Variants in AP4M1 observed in about 807,000 individuals in gnomAD.
AP4M1 encodes the protein adaptor related protein complex 4 subunit mu 1.
Under a neutral mutation model 62.4 loss-of-function variants are expected in AP4M1, and 58 were observed. The ratio of observed to expected loss-of-function variants is 0.93; its 90% CI spans 0.75 to 1.16. AP4M1 has a LOEUF of 1.16. Among genes scored for constraint, AP4M1 ranks in the 50% most tolerant of loss-of-function variants. The pLI, the probability that AP4M1 is intolerant of heterozygous loss-of-function variation, is 0.00. For missense variants in AP4M1, 626 were observed against 585.4 expected, an observed-to-expected ratio of 1.07 and a Z score of -0.72; for synonymous variants, 290 against 239.7, an observed-to-expected ratio of 1.21 and a Z score of -1.94.
At chr7:100,103,569 G>A (rs767609956) in intron 5 of AP4M1, 43 bp from the exon 6 acceptor site, 2 of 1,613,924 alleles carry the variant, frequency 1.2e-6, no homozygotes, top group East Asian at 4.5e-5. Context: ...GGGTTGGCTG[G>A]GGTTGTCAGA....
intron 10 of AP4M1, 40 bp downstream of exon 10, chr7:100,105,386 G>A (rs1204580071): frequency 1.2e-5 from 19 of 1,612,592 alleles, no homozygotes; most frequent in Non-Finnish European, 4.2e-6. Context: ...GTCCACCATG[G>A]GGAAGGGGGC....
In AP4M1 at chr7:100,102,765, C is replaced by T. The variant is rs753157429; in HGVS notation, c.238C>T (p.Leu80=). 19 of 1,613,904 alleles carry T rather than the reference C, an allele frequency of 1.2e-5. No homozygotes were observed. In the East Asian group the frequency reaches 4.0e-4, roughly 34 times the overall value. Residue 80 remains leucine (L), a synonymous_variant, in exon 3 of 15, where the codon CTA becomes TTA. Transcript: ENST00000359593. The part of the protein sequence containing the change: ...TSENVSPFSL[L]ELLSRLATLL... ...AGAAAACGTTTCTCCCTTCAGCCTC[C>T]TAGAACTGCTCTCCAGGTGAGGAGG...
At position 100,107,626 on chromosome 7, in the gene AP4M1, G is replaced by A; in HGVS notation, c.*744G>A. The A allele has an allele frequency of 2.5e-6, 4 of 1,610,180 alleles. No homozygotes were observed. Among genetic ancestry groups the A allele is most frequent in the Non-Finnish European group, 3.4e-6 (4 of 1,178,786 alleles). On this transcript the variant is annotated 3_prime_UTR_variant, in exon 15 of 15. Coordinates refer to ENST00000359593, the MANE Select transcript of AP4M1 (RefSeq NM_004722.4). ...GCCGAGGTGCTGAGGGACAGGACCT[G>A]GATAGAAAGGAAAGGCAGGCCGCTT...
chr7:100,108,778 T>C lies in AP4M1; in HGVS notation c.*1896T>C. On this transcript the variant is annotated 3_prime_UTR_variant, in exon 15 of 15. Coordinates refer to ENST00000359593, the MANE Select transcript of AP4M1 (RefSeq NM_004722.4). Reference sequence around the variant, plus strand: ...GGGGCCAGGTGCAGCATCTTAGGCCTGTATCCCAGCACTTGGGAGGCTGAG... The same window carrying C: ...GGGGCCAGGTGCAGCATCTTAGGCCCGTATCCCAGCACTTGGGAGGCTGAG... The C allele has an allele frequency of 2.5e-6, 1 of 395,238 alleles. No homozygotes were observed. Among genetic ancestry groups the C allele is most frequent in the Non-Finnish European group, 4.5e-6 (1 of 220,466 alleles). 24.5% of individuals were successfully genotyped at this position (395,238 alleles called of 1,614,324 possible).
chr7:100,102,082 A>G (rs1796091030), intron 2 of AP4M1, 114 bp downstream of exon 2: 2 of 1,235,068 alleles, frequency 1.6e-6, no homozygotes, highest in Admixed American at 4.0e-5. Flanking sequence ...GCATTCCGCC[A>G]AATAAAGCTA....
At position 100,106,692 on chromosome 7, in the gene AP4M1, A is replaced by G; in HGVS notation, c.1172A>G (p.His391Arg). 1.2e-6 allele frequency: 2 copies of G among 1,612,212 alleles called. No individual in the cohort carries two copies. The highest frequency in any genetic ancestry group is 1.7e-6 in the Non-Finnish European group (2 of 1,179,734). The change falls in exon 15 of 15, where the codon CAT (histidine) becomes CGT (arginine). Residue 391 changes from histidine to arginine, a missense_variant. Physicochemically the swap from His to Arg is conservative, Grantham distance 29. Transcript: ENST00000359593. ...CCAGGGCCCCCAGGACCTCCCAGCC[A>G]TGGGCTCTCCACCTCGGCCTCTCCT... ...DVPGPPGPPS[H>R]GLSTSASPLG...
In AP4M1 at chr7:100,105,330, A is replaced by C; in HGVS notation, c.818A>C (p.Gln273Pro). The C allele has an allele frequency of 6.2e-7, 1 of 1,614,066 alleles. No homozygotes were observed. The highest frequency in any genetic ancestry group is 1.1e-5 in the South Asian group (1 of 91,086). Reference protein sequence around the residue: ...EFESHRILRLQPPQGELTVMR... With the variant: ...EFESHRILRLPPPQGELTVMR... ...GAGTCTCATCGAATCCTCCGCTTGCAACCACCTCAGGGCGAGGTCAGGGTT... is the reference window on the plus strand; with the variant it reads ...GAGTCTCATCGAATCCTCCGCTTGCCACCACCTCAGGGCGAGGTCAGGGTT... Residue 273 changes from glutamine to proline, a missense_variant, in exon 10 of 15, where the codon CAA (glutamine) becomes CCA (proline). Transcript: ENST00000359593.
chr7:100,107,876 T>G lies in AP4M1; in HGVS notation c.*994T>G. 2 of 1,560,358 alleles carry G rather than the reference T, an allele frequency of 1.3e-6. No individual in the cohort carries two copies. Among genetic ancestry groups the G allele is most frequent in the Non-Finnish European group, 1.7e-6 (2 of 1,150,066 alleles). On this transcript the variant is annotated 3_prime_UTR_variant, in exon 15 of 15. Coordinates refer to ENST00000359593, the MANE Select transcript of AP4M1 (RefSeq NM_004722.4). ...ACTCCTGGGCCTCCCCAGGGTGCTC[T>G]GAGGTAACCCAGGCCCTCCAGATGC...
chr7:100,105,985 G>A lies in AP4M1; in HGVS notation c.956G>A (p.Cys319Tyr), dbSNP rs1057521784. The stretch of plus-strand genomic sequence containing the variant: ...CTCCAGGTTTATCTAAAGTTGCGAT[G>A]TGACCTGCTCTCAAAGAGGTAAGAG... ...GRLQVYLKLRCDLLSKSQALN... is the reference protein window; with the variant it reads ...GRLQVYLKLRYDLLSKSQALN... The change falls in exon 12 of 15, where the codon TGT becomes TAT. Residue 319 changes from cysteine (C) to tyrosine (Y), a missense_variant. By Grantham distance (194) the Cys-to-Tyr change is radical (BLOSUM62 -2). Transcript: ENST00000359593. The A allele has an allele frequency of 1.9e-6, 3 of 1,614,166 alleles. No homozygotes were observed. Among genetic ancestry groups the A allele is most frequent in the South Asian group, 1.1e-5 (1 of 91,080 alleles).
Position 100,101,650 on chromosome 7 carries a change from TC to T in AP4M1, c.-63del. The T allele has an allele frequency of 1.3e-5, 19 of 1,501,902 alleles. No homozygotes were observed. Among genetic ancestry groups the T allele is most frequent in the Non-Finnish European group, 1.8e-5 (19 of 1,079,636 alleles). The allele number at this position is 1,501,902 out of a possible 1,614,324, so 93.0% of individuals were successfully genotyped here. ...GGCCAGCGCACACGCGTTCTTTTGT[TC>T]CGGGGCCGCAGGGCGGGGCAGGCCC... On this transcript the variant is annotated 5_prime_UTR_variant, in exon 1 of 15. Coordinates refer to ENST00000359593, the MANE Select transcript of AP4M1 (RefSeq NM_004722.4).
Position 100,106,001 on chromosome 7 carries a change from G to C in AP4M1, c.972G>C (p.Lys324Asn). The change falls in exon 12 of 15, where the codon AAG (lysine) becomes AAC (asparagine). Residue 324 changes from lysine to asparagine, a missense_variant and splice_region_variant. By Grantham distance (94) the Lys-to-Asn change is moderately conservative. Coordinates refer to ENST00000359593, the MANE Select transcript of AP4M1 (RefSeq NM_004722.4). ...AGTTGCGATGTGACCTGCTCTCAAAGAGGTAAGAGTGAGGCTGGCCTGGCT... is the reference window on the plus strand; with the variant it reads ...AGTTGCGATGTGACCTGCTCTCAAACAGGTAAGAGTGAGGCTGGCCTGGCT... ...YLKLRCDLLSKSQALNVRLHL... is the reference protein window; with the variant it reads ...YLKLRCDLLSNSQALNVRLHL... 1 of 1,614,188 alleles carries C rather than the reference G, an allele frequency of 6.2e-7. No individual in the cohort carries two copies. The highest frequency in any genetic ancestry group is 8.5e-7 in the Non-Finnish European group (1 of 1,180,048).
Position 100,108,724 on chromosome 7 carries a change from T to C in AP4M1, c.*1842T>C. 2 of 566,938 alleles carry C rather than the reference T, an allele frequency of 3.5e-6. No individual in the cohort carries two copies. The highest frequency in any genetic ancestry group is 5.9e-6 in the Non-Finnish European group (2 of 336,528). The allele number at this position is 566,938 out of a possible 1,614,324, so 35.1% of individuals were successfully genotyped here. On this transcript the variant is annotated 3_prime_UTR_variant, in exon 15 of 15. Coordinates refer to ENST00000359593, the MANE Select transcript of AP4M1 (RefSeq NM_004722.4). Reference sequence around the variant, plus strand: ...CTATTAGTGTGTGTACAGAACACTGTGGGCTTTCTCATAAGAAAAGATGGG... The same window carrying C: ...CTATTAGTGTGTGTACAGAACACTGCGGGCTTTCTCATAAGAAAAGATGGG...
rs770061047 is a variant in AP4M1, at chr7:100,102,721, A to G, written c.194A>G (p.Tyr65Cys). The G allele has an allele frequency of 1.9e-6, 3 of 1,614,096 alleles. No homozygotes were observed. The highest frequency in any genetic ancestry group is 2.2e-5 in the South Asian group (2 of 91,082). ...ATTCACATCAGACACAGCGGCCTCT[A>G]TTTGGTGGTCACAACTTCAGAAAAC... Reference protein sequence around the residue: ...HFIHIRHSGLYLVVTTSENVS... With the variant: ...HFIHIRHSGLCLVVTTSENVS... Residue 65 changes from tyrosine (Y) to cysteine (C), a missense_variant, in exon 3 of 15, where the codon TAT (tyrosine) becomes TGT (cysteine). Physicochemically the swap from Tyr to Cys is radical, Grantham distance 194 (BLOSUM62 -2). Coordinates refer to ENST00000359593, the MANE Select transcript of AP4M1 (RefSeq NM_004722.4).
Position 100,106,277 on chromosome 7 carries a change from TC to T in AP4M1, c.1012del (p.Arg338GlufsTer10), listed in dbSNP as rs2116668499. The T allele has an allele frequency of 1.2e-6, 2 of 1,614,002 alleles. No homozygotes were observed. The highest frequency in any genetic ancestry group is 1.6e-4 in the Middle Eastern group (1 of 6,062). ...LNVRLHLPLP[R>X]GVVSLSQELS... ...ATGTCAGGCTGCACCTCCCCCTGCC[TC>T]GAGGGGTGGTCAGGTGAGTGTGTGC... On this transcript the variant is annotated frameshift_variant, in exon 13 of 15. Coordinates refer to ENST00000359593, the MANE Select transcript of AP4M1 (RefSeq NM_004722.4). LOFTEE classifies it high-confidence loss of function.
Position 100,105,500 on chromosome 7 carries a change from G to A in AP4M1, c.890G>A (p.Arg297Gln), listed in dbSNP as rs768778642. ...GACCTCCCCTCACCGCTCCCCTTCC[G>A]GCTCTTCCCCTCTGTGCAGTGGGAC... ...SDDLPSPLPFRLFPSVQWDRG... is the reference protein window; with the variant it reads ...SDDLPSPLPFQLFPSVQWDRG... The change falls in exon 11 of 15, where the codon CGG (arginine) becomes CAG (glutamine). Residue 297 changes from arginine to glutamine, a missense_variant. Coordinates refer to ENST00000359593, the MANE Select transcript of AP4M1 (RefSeq NM_004722.4). 2.2e-5 allele frequency: 36 copies of A among 1,613,860 alleles called. No individual in the cohort carries two copies. The Admixed American group carries it at 3.5e-4, about 16-fold the overall frequency.
chr7:100,104,891 G>T lies in AP4M1; in HGVS notation c.624G>T (p.Val208=), dbSNP rs1796337004. ...CCTCTCAGGGATCCCTGCTGAAGGTGGATGTGCAGGGAGAGATTCGGCTCA... is the reference window on the plus strand; with the variant it reads ...CCTCTCAGGGATCCCTGCTGAAGGTTGATGTGCAGGGAGAGATTCGGCTCA... The part of the protein sequence containing the change: ...LIASNGSLLK[V]DVQGEIRLKS... Residue 208 remains valine, a synonymous_variant, in exon 8 of 15, where the codon GTG becomes GTT. Transcript: ENST00000359593. 2 of 1,614,162 alleles carry T rather than the reference G, an allele frequency of 1.2e-6. No homozygotes were observed. The highest frequency in any genetic ancestry group is 1.7e-6 in the Non-Finnish European group (2 of 1,180,018).
intron 4 of AP4M1, 197 bp downstream of exon 4, chr7:100,103,157 G>A: frequency 4.6e-6 from 3 of 654,682 alleles, no homozygotes; most frequent in South Asian, 3.6e-5. Context: ...CTGCAGCCTG[G>A]AACTCCTGGG....
At chr7:100,101,141 C>T (rs1215536801), upstream of AP4M1, 14 of 1,240,164 alleles carry the variant, frequency 1.1e-5, no homozygotes, top group South Asian at 2.5e-5. Context: ...CTCGACCCTG[C>T]CTCTGGCCTC....
chr7:100,101,193 A>G, upstream of AP4M1: 1 of 1,586,118 alleles, frequency 6.3e-7, no homozygotes, highest in Non-Finnish European at 8.6e-7. Flanking sequence ...CCAAGACCCC[A>G]GCTCACACCA....
Sources: allele counts gnomAD v4.1 joint callset, GRCh38; gene constraint gnomAD v4.1.1; transcripts MANE v1.5; gene names NCBI Gene and HGNC (gene_info 2026-07-23, HGNC 2026-07-21).